GPR39: variants seen among roughly 807,000 people sequenced by gnomAD.
The protein encoded by GPR39 is zinc sensing receptor.
Under a neutral mutation model 18.4 loss-of-function variants are expected in GPR39, and 23 were observed. That is an observed-to-expected ratio of 1.25 (90% CI 0.90 to 1.77). The LOEUF (loss-of-function observed/expected upper bound fraction) is 1.77, where lower values mean the gene tolerates loss of function less well. GPR39 is among the 40% of genes most tolerant of loss of function. The probability of loss-of-function intolerance (pLI) is 0.00; values close to 1 mark genes in which losing one functional copy is unlikely to be tolerated. For synonymous variants in GPR39, 280 were observed against 257.9 expected, an observed-to-expected ratio of 1.09 and a Z score of -0.82; for missense variants, 647 against 602.4, an observed-to-expected ratio of 1.07 and a Z score of -0.78.
intron 1 of GPR39, among the ~76,000 whole-genome samples, chr2:132,609,476 C>G (rs191328959): frequency 1.3e-5 from 2 of 152,082 alleles, no homozygotes; most frequent in East Asian, 3.9e-4. Flanking sequence ...AGTTGGAAAC[C>G]GAGGGGTGCA....
chr2:132,646,274 A>T lies in GPR39; in HGVS notation c.*668A>T, dbSNP rs762874041. On this transcript the variant is annotated 3_prime_UTR_variant, in exon 2 of 2. Coordinates refer to ENST00000329321, the MANE Select transcript of GPR39 (RefSeq NM_001508.3). ...TGATGATGCACAGGACTTGCGGTACATGATCCCTGTAACACAGACCCAAAG... is the reference window on the plus strand; with the variant it reads ...TGATGATGCACAGGACTTGCGGTACTTGATCCCTGTAACACAGACCCAAAG... 1.9e-6 allele frequency: 3 copies of T among 1,542,684 alleles called. No individual in the cohort carries two copies. Among genetic ancestry groups the T allele is most frequent in the Non-Finnish European group, 2.6e-6 (3 of 1,140,824 alleles).
rs369523811 is a variant in GPR39, at chr2:132,645,207, G to A, written c.963G>A (p.Ala321=). Residue 321 remains alanine (A), a synonymous_variant, in exon 2 of 2, where the codon GCG becomes GCA. Transcript: ENST00000329321. ...KHDWTRSYFR[A]YMILLPFSET... Reference sequence around the variant, plus strand: ...ACTGGACGAGGTCCTACTTCCGGGCGTACATGATCCTCCTCCCCTTCTCGG... The same window carrying A: ...ACTGGACGAGGTCCTACTTCCGGGCATACATGATCCTCCTCCCCTTCTCGG... 3.7e-6 allele frequency: 6 copies of A among 1,614,160 alleles called. No individual in the cohort carries two copies. Among genetic ancestry groups the A allele is most frequent in the South Asian group, 3.3e-5 (3 of 91,076 alleles).
At chr2:132,445,020 C>T (rs1395648938) in intron 1 of GPR39, among the ~76,000 whole-genome samples, 1 of 152,110 alleles carries the variant, frequency 6.6e-6, no homozygotes, top group East Asian at 1.9e-4. Context: ...GCTTCAGCTC[C>T]CCTACCGCCC....
intron 1 of GPR39, among the ~76,000 whole-genome samples, chr2:132,514,813 CTT>C (rs1261933235): frequency 5.9e-5 from 9 of 152,262 alleles, no homozygotes; most frequent in Middle Eastern, 3.4e-3. Flanking sequence ...CTTAAAAAAA[CTT>C]TTTAAAAAGC....
At chr2:132,501,128 GGGTTTGGGTTT>G (rs1222486156) in intron 1 of GPR39, among the ~76,000 whole-genome samples, 7 of 144,638 alleles carry the variant, frequency 4.8e-5, no homozygotes, top group Admixed American at 4.8e-4. Context: ...TTCTTCTGCT[GGGTTTGGGTTT>G]GGATTGTTCT....
At chr2:132,593,044 A>G (rs1479988351) in intron 1 of GPR39, among the ~76,000 whole-genome samples, 1 of 152,238 alleles carries the variant, frequency 6.6e-6, no homozygotes, top group African/African-American at 2.4e-5. Flanking sequence ...TATACTTAAG[A>G]TTACAGTTTT....
chr2:132,627,807 C>G (rs1030558876), intron 1 of GPR39, among the ~76,000 whole-genome samples: 2 of 152,222 alleles, frequency 1.3e-5, no homozygotes, highest in Non-Finnish European at 2.9e-5. Context: ...CCATCCCTAG[C>G]AGCTGCCCAG....
intron 1 of GPR39, among the ~76,000 whole-genome samples, chr2:132,506,457 A>G (rs1010467403): frequency 1.2e-4 from 19 of 152,022 alleles, no homozygotes; most frequent in Non-Finnish European, 5.9e-5. Context: ...TTGAGGTCTT[A>G]GCCATTGTAT....
At chr2:132,548,438 G>A (rs1313029653) in intron 1 of GPR39, among the ~76,000 whole-genome samples, 2 of 152,160 alleles carry the variant, frequency 1.3e-5, no homozygotes, top group Non-Finnish European at 2.9e-5. Flanking sequence ...GTCCATCTAC[G>A]CTGGCAGTTA....
intron 1 of GPR39, among the ~76,000 whole-genome samples, chr2:132,536,516 A>G (rs528162251): frequency 3.3e-5 from 5 of 151,706 alleles, no homozygotes; most frequent in Non-Finnish European, 5.9e-5. Context: ...AAGAAGTGCC[A>G]TGTGCCACTG....
chr2:132,569,322 G>T (rs572059177), intron 1 of GPR39, among the ~76,000 whole-genome samples: 1 of 152,230 alleles, frequency 6.6e-6, no homozygotes, highest in South Asian at 2.1e-4. Flanking sequence ...ATTTGAGCCT[G>T]ATTCACCAAG....
chr2:132,549,553 C>T (rs547064185), intron 1 of GPR39, among the ~76,000 whole-genome samples: 1 of 152,298 alleles, frequency 6.6e-6, no homozygotes, highest in Non-Finnish European at 1.5e-5. Context: ...CTTTGGGAGA[C>T]AGAGGCGGGT....
chr2:132,419,820 TA>T (rs1465786469), intron 1 of GPR39, among the ~76,000 whole-genome samples: 3 of 152,192 alleles, frequency 2.0e-5, no homozygotes, highest in Non-Finnish European at 4.4e-5. Flanking sequence ...GGTCTTCAAG[TA>T]TCTCCCAGTC....
At chr2:132,420,103 T>C (rs568987798) in intron 1 of GPR39, among the ~76,000 whole-genome samples, 1 of 152,344 alleles carries the variant, frequency 6.6e-6, no homozygotes, top group East Asian at 1.9e-4. Flanking sequence ...CTCGTTCTTT[T>C]CTTCTGGCTC....
At chr2:132,517,907 A>T (rs964296185) in intron 1 of GPR39, among the ~76,000 whole-genome samples, 3 of 152,214 alleles carry the variant, frequency 2.0e-5, no homozygotes, top group Non-Finnish European at 4.4e-5. Context: ...GAAAGTCAGA[A>T]ACATATGTGG....
At chr2:132,500,252 G>A (rs1678995483) in intron 1 of GPR39, among the ~76,000 whole-genome samples, 1 of 152,130 alleles carries the variant, frequency 6.6e-6, no homozygotes, top group African/African-American at 2.4e-5. Context: ...CTTAAGGTAT[G>A]TCCCTTCTAT....
intron 1 of GPR39, among the ~76,000 whole-genome samples, chr2:132,537,926 A>G (rs1053283064): frequency 2.6e-5 from 4 of 151,978 alleles, no homozygotes; most frequent in Admixed American, 1.3e-4. Flanking sequence ...TAAACTGGTT[A>G]TTCTGGTTAG....
At chr2:132,477,340 A>G (rs1681148921) in intron 1 of GPR39, among the ~76,000 whole-genome samples, 1 of 152,102 alleles carries the variant, frequency 6.6e-6, no homozygotes, top group South Asian at 2.1e-4. Flanking sequence ...GGCGTGGAGG[A>G]CAGGGGTGGG....
chr2:132,464,930 T>G lies in GPR39; in HGVS notation c.856+47032T>G, dbSNP rs545234010. 5.9e-5 allele frequency among the ~76,000 whole-genome samples: 9 copies of G among 152,274 alleles called. No homozygotes were observed. The South Asian group carries it at 1.9e-3, about 32-fold the overall frequency. On this transcript the variant is annotated intron_variant, in intron 1 of 1. Transcript: ENST00000329321. ...CATGGGGCAATACCAGAAAATTACC[T>G]TGAGGGATTTTATGCTAAGAAGGAA...
Sources: allele counts gnomAD v4.1 joint callset (sites outside exome capture counted in the v4.1 genomes callset), GRCh38; gene constraint gnomAD v4.1.1; transcripts MANE v1.5; gene names NCBI Gene and HGNC (gene_info 2026-07-23, HGNC 2026-07-21).